Variants in GRID2 observed in about 807,000 individuals in gnomAD.
The protein encoded by GRID2 is glutamate ionotropic receptor delta type subunit 2, also known as glutamate receptor ionotropic, delta-2.
Under a neutral mutation model 114.8 loss-of-function variants are expected in GRID2, and 33 were observed. That is an observed-to-expected ratio of 0.29 (90% CI 0.22 to 0.38). The LOEUF (loss-of-function observed/expected upper bound fraction) is 0.38. GRID2 is among the 10% of genes least tolerant of loss of function. The pLI is 1.00. For missense variants in GRID2, 1,184 were observed against 1,257.7 expected, an observed-to-expected ratio of 0.94 and a Z score of 0.89; for synonymous variants, 505 against 449.9, an observed-to-expected ratio of 1.12 and a Z score of -1.55.
chr4:93,373,231 G>C (rs1198749141), intron 8 of GRID2, among the ~76,000 whole-genome samples: 1 of 151,662 alleles, frequency 6.6e-6, no homozygotes, highest in African/African-American at 2.4e-5. Context: ...TGCTTGTGCT[G>C]TTCCTCAAAC....
At chr4:93,277,356 C>A (rs1221217890) in intron 8 of GRID2, among the ~76,000 whole-genome samples, 1 of 151,884 alleles carries the variant, frequency 6.6e-6, no homozygotes, top group East Asian at 1.9e-4. Context: ...AGTTCGCATA[C>A]TTTATCTTTC....
chr4:92,870,337 C>T (rs964433015), intron 2 of GRID2, among the ~76,000 whole-genome samples: 1 of 152,026 alleles, frequency 6.6e-6, no homozygotes, highest in Non-Finnish European at 1.5e-5. Context: ...TCCTCTTCCA[C>T]AGGAGTTTAA....
chr4:93,631,767 T>C (rs1326159846), intron 14 of GRID2, among the ~76,000 whole-genome samples: 2 of 152,182 alleles, frequency 1.3e-5, no homozygotes, highest in Admixed American at 6.5e-5. Context: ...TATTTCTAGT[T>C]CTAGATCCCT....
intron 4 of GRID2, among the ~76,000 whole-genome samples, chr4:93,137,126 T>C (rs1236727920): frequency 2.0e-5 from 3 of 152,176 alleles, no homozygotes; most frequent in Admixed American, 1.3e-4. Flanking sequence ...CTTATAACTG[T>C]TACTCTTGTA....
At chr4:93,803,989 T>C (rs1471443344) in intron 1 of GRID2, among the ~76,000 whole-genome samples, 4 of 152,050 alleles carry the variant, frequency 2.6e-5, no homozygotes, top group African/African-American at 7.2e-5. Context: ...TCTTCAATGT[T>C]AGGGAGAAAA....
chr4:93,441,592 C>A (rs988567436), intron 10 of GRID2, among the ~76,000 whole-genome samples: 10 of 151,812 alleles, frequency 6.6e-5, no homozygotes, highest in Non-Finnish European at 1.0e-4. Flanking sequence ...ACAAATGGAA[C>A]CTTTAAATAT....
At chr4:93,165,702 T>C (rs1738184788) in intron 4 of GRID2, among the ~76,000 whole-genome samples, 1 of 152,084 alleles carries the variant, frequency 6.6e-6, no homozygotes, top group Admixed American at 6.6e-5. Flanking sequence ...AGCTGAGTCT[T>C]ATCAACAATA....
intron 14 of GRID2, among the ~76,000 whole-genome samples, chr4:93,674,965 T>A (rs907147858): frequency 2.0e-5 from 3 of 152,162 alleles, no homozygotes; most frequent in Non-Finnish European, 4.4e-5. Flanking sequence ...TATCATTATG[T>A]TTATTATTTC....
chr4:92,723,942 C>T (rs972171502), intron 2 of GRID2, among the ~76,000 whole-genome samples: 12 of 151,928 alleles, frequency 7.9e-5, no homozygotes, highest in East Asian at 1.9e-4. Flanking sequence ...TGATTTTTTT[C>T]GTATTAAATG....
At chr4:93,520,821 C>G (rs1338980807) in intron 13 of GRID2, among the ~76,000 whole-genome samples, 2 of 152,030 alleles carry the variant, frequency 1.3e-5, no homozygotes, top group Non-Finnish European at 2.9e-5. Context: ...TTTTAATGAC[C>G]TTAGTTACTC....
chr4:92,428,602 T>G (rs2110336718), intron 1 of GRID2, among the ~76,000 whole-genome samples: 1 of 152,258 alleles, frequency 6.6e-6, no homozygotes, highest in Middle Eastern at 3.4e-3. Flanking sequence ...CTTTGAGTAT[T>G]AAGTTATAAC....
chr4:93,748,907 G>A (rs1732078187), intron 14 of GRID2, among the ~76,000 whole-genome samples: 1 of 151,958 alleles, frequency 6.6e-6, no homozygotes, highest in Non-Finnish European at 1.5e-5. Flanking sequence ...CATTGTAGTT[G>A]GCAAGAACTC....
At chr4:93,406,485 A>G (rs1318985220) in intron 9 of GRID2, among the ~76,000 whole-genome samples, 1 of 152,176 alleles carries the variant, frequency 6.6e-6, no homozygotes, top group Admixed American at 6.6e-5. Flanking sequence ...AAATATTTAC[A>G]GAAATGTGAA....
chr4:92,629,589 G>A (rs1266379914), intron 2 of GRID2, among the ~76,000 whole-genome samples: 2 of 151,936 alleles, frequency 1.3e-5, no homozygotes, highest in East Asian at 3.9e-4. Flanking sequence ...TCCTCAAATA[G>A]CCAGAAAACG....
intron 2 of GRID2, among the ~76,000 whole-genome samples, chr4:92,718,161 A>G (rs1353835366): frequency 6.6e-6 from 1 of 152,110 alleles, no homozygotes; most frequent in African/African-American, 2.4e-5. Context: ...CTCATAAGGA[A>G]AAATTTGAGA....
rs1027752876 is a variant in GRID2 at position 92,531,789 on chromosome 4, T to A, written c.89-58342T>A. Among the ~76,000 whole-genome samples the A allele has an allele frequency of 2.0e-5, 3 of 152,112 alleles. No individual in the cohort carries two copies. In the South Asian group the frequency reaches 6.2e-4, roughly 32 times the overall value. On this transcript the variant is annotated intron_variant, in intron 1 of 15. Transcript: ENST00000282020. ...TTTTCCTTTTTGATAATTCTCAGTT[T>A]TTTTTCTTCATTTTTAAACTTATCT...
intron 2 of GRID2, among the ~76,000 whole-genome samples, chr4:92,666,877 A>G (rs1414284797): frequency 2.0e-5 from 3 of 151,342 alleles, no homozygotes; most frequent in East Asian, 3.9e-4. Context: ...ACTTGGAACA[A>G]TAAGGGGGAG....
At chr4:93,140,160 C>CTTT (rs10684978) in intron 4 of GRID2, among the ~76,000 whole-genome samples, 8,634 of 128,152 alleles carry the variant, frequency 0.067, 629 homozygotes, top group African/African-American at 0.14. Context: ...CTTTTCTTTT[C>CTTT]TTTTTTTTTT....
chr4:93,585,812 G>T (rs2149602206), intron 13 of GRID2, among the ~76,000 whole-genome samples: 1 of 152,106 alleles, frequency 6.6e-6, no homozygotes, highest in African/African-American at 2.4e-5. Flanking sequence ...TCTATGCATA[G>T]TTTTTTCATA....
Sources: allele counts gnomAD v4.1 joint callset (sites outside exome capture counted in the v4.1 genomes callset), GRCh38; gene constraint gnomAD v4.1.1; transcripts MANE v1.5; gene names NCBI Gene and HGNC (gene_info 2026-07-23, HGNC 2026-07-21).